LHFPL3: variants seen among roughly 807,000 people sequenced by gnomAD.
The protein encoded by LHFPL3 is LHFPL tetraspan subfamily member 3, also known as LHFPL tetraspan subfamily member 3 protein.
In LHFPL3, 5 loss-of-function variants were observed where a neutral mutation model predicts 19.3. That is an observed-to-expected ratio of 0.26 (90% CI 0.14 to 0.54). The LOEUF is 0.54. LHFPL3 is among the 20% of genes least tolerant of loss of function. The pLI is 0.94. For missense variants in LHFPL3, 249 were observed against 307.4 expected (o/e 0.81, Z 1.42); for synonymous variants, 133 against 126.2 (o/e 1.05, Z -0.36).
intron 1 of LHFPL3, among the ~76,000 whole-genome samples, chr7:104,474,739 C>T (rs1008835621): frequency 2.5e-4 from 37 of 149,114 alleles, no homozygotes; most frequent in African/African-American, 8.9e-4. Flanking sequence ...GACCCTGCAG[C>T]TTCAGAATAG....
intron 1 of LHFPL3, among the ~76,000 whole-genome samples, chr7:104,334,529 A>C (rs558158725): frequency 6.6e-6 from 1 of 152,372 alleles, no homozygotes; most frequent in East Asian, 1.9e-4. Flanking sequence ...ACTGGGCAGC[A>C]GAGTGAGACT....
intron 2 of LHFPL3, among the ~76,000 whole-genome samples, chr7:104,788,070 T>C (rs575777623): frequency 5.3e-5 from 8 of 152,324 alleles, no homozygotes; most frequent in African/African-American, 1.9e-4. Flanking sequence ...GGTTCTTTTA[T>C]AAACTATGTG....
chr7:104,711,091 A>G (rs1160560242), intron 1 of LHFPL3, among the ~76,000 whole-genome samples: 2 of 152,260 alleles, frequency 1.3e-5, no homozygotes, highest in African/African-American at 2.4e-5. Flanking sequence ...AACAGAATCC[A>G]TACATACTCT....
intron 2 of LHFPL3, among the ~76,000 whole-genome samples, chr7:104,806,776 A>C (rs1790368747): frequency 6.6e-6 from 1 of 152,230 alleles, no homozygotes; most frequent in Admixed American, 6.5e-5. Context: ...AAATGATCAA[A>C]GGGAACCCAA....
At chr7:104,743,830 C>G (rs111943075) in intron 2 of LHFPL3, among the ~76,000 whole-genome samples, 1 of 151,986 alleles carries the variant, frequency 6.6e-6, no homozygotes, top group Non-Finnish European at 1.5e-5. Context: ...ATCATGTAAT[C>G]AATTCTTTTT....
rs188549363 is a variant in LHFPL3, at chr7:104,800,914, G to A, written c.682+64003G>A. ...CCCAAAATAGACAGGACCTTGGCCCGGCTTCCCTTTATGAGGCTACCAGCC... is the reference window on the plus strand; with the variant it reads ...CCCAAAATAGACAGGACCTTGGCCCAGCTTCCCTTTATGAGGCTACCAGCC... On this transcript the variant is annotated intron_variant, in intron 2 of 2. Coordinates refer to ENST00000424859, the MANE Select transcript of LHFPL3 (RefSeq NM_199000.3). Among the ~76,000 whole-genome samples, 220 of 152,270 alleles carry A rather than the reference G, an allele frequency of 1.4e-3. 2 individuals are homozygous for A. The highest frequency in any genetic ancestry group is 5.0e-3 in the African/African-American group (207 of 41,538).
At chr7:104,404,267 A>G (rs974014352) in intron 1 of LHFPL3, among the ~76,000 whole-genome samples, 20 of 152,214 alleles carry the variant, frequency 1.3e-4, no homozygotes, top group African/African-American at 3.1e-4. Flanking sequence ...CCTACTTCCT[A>G]TAACAGATAT....
At chr7:104,643,944 G>A (rs10226472) in intron 1 of LHFPL3, among the ~76,000 whole-genome samples, 2 of 152,170 alleles carry the variant, frequency 1.3e-5, no homozygotes, top group African/African-American at 4.8e-5. Context: ...AAATCTATTG[G>A]TGAGCTTCGA....
rs546815134 is a variant in LHFPL3 at position 104,897,235 on chromosome 7, G to A, written c.683-8952G>A. Reference sequence around the variant, plus strand: ...TAACCAGTGTCAGCCAGCTGGTGATGTATTGCACAGCTACTAAATGCCTTA... The same window carrying A: ...TAACCAGTGTCAGCCAGCTGGTGATATATTGCACAGCTACTAAATGCCTTA... On this transcript the variant is annotated intron_variant, in intron 2 of 2. Transcript: ENST00000424859. Among the ~76,000 whole-genome samples the A allele has an allele frequency of 5.3e-5, 8 of 152,314 alleles. No homozygotes were observed. The South Asian group carries it at 1.7e-3, about 32-fold the overall frequency.
intron 1 of LHFPL3, among the ~76,000 whole-genome samples, chr7:104,437,431 T>C (rs1456035767): frequency 6.6e-6 from 1 of 152,126 alleles, no homozygotes; most frequent in South Asian, 2.1e-4. Flanking sequence ...CAACGGGGTG[T>C]CCTACAATTC....
chr7:104,564,043 A>C (rs1397450550), intron 1 of LHFPL3, among the ~76,000 whole-genome samples: 1 of 152,204 alleles, frequency 6.6e-6, no homozygotes, highest in African/African-American at 2.4e-5. Context: ...AACACTACAC[A>C]TACAATATCT....
chr7:104,796,601 G>A (rs963897987), intron 2 of LHFPL3: 3 of 152,306 alleles, frequency 2.0e-5, no homozygotes, highest in Non-Finnish European at 4.4e-5. Flanking sequence ...TGGAGTCAAG[G>A]GCTACCAATC....
intron 1 of LHFPL3, among the ~76,000 whole-genome samples, chr7:104,617,728 T>C (rs1265943436): frequency 6.6e-6 from 1 of 152,234 alleles, no homozygotes; most frequent in Non-Finnish European, 1.5e-5. Context: ...ACTCTGTAGC[T>C]TGAATATGAG....
intron 1 of LHFPL3, among the ~76,000 whole-genome samples, chr7:104,660,356 A>C (rs944223920): frequency 6.6e-6 from 1 of 152,206 alleles, no homozygotes; most frequent in Admixed American, 6.5e-5. Flanking sequence ...TTGTCAGCAC[A>C]ACCATCCAGG....
intron 1 of LHFPL3, among the ~76,000 whole-genome samples, chr7:104,526,899 A>AG (rs1794197666): frequency 6.6e-6 from 1 of 152,244 alleles, no homozygotes; most frequent in African/African-American, 2.4e-5. Flanking sequence ...CATACACTCT[A>AG]GTGGGGAGAC....
chr7:104,798,462 G>C (rs1790175300), intron 2 of LHFPL3: 1 of 152,106 alleles, frequency 6.6e-6, no homozygotes, highest in Non-Finnish European at 1.5e-5. Flanking sequence ...ATATATTTTA[G>C]TTTTTGAAAT....
chr7:104,755,666 G>A (rs1459146131), intron 2 of LHFPL3, among the ~76,000 whole-genome samples: 1 of 151,704 alleles, frequency 6.6e-6, no homozygotes, highest in South Asian at 2.1e-4. Flanking sequence ...TTAGTTTTTT[G>A]GTGTTTGTTT....
At chr7:104,353,006 G>A (rs7788386) in intron 1 of LHFPL3, among the ~76,000 whole-genome samples, 74,863 of 152,016 alleles carry the variant, frequency 0.49, 19,565 homozygotes, top group East Asian at 0.88. Flanking sequence ...AGGGCTACCC[G>A]GAAAGGCGAT....
chr7:104,506,164 G>A (rs1389031049), intron 1 of LHFPL3, among the ~76,000 whole-genome samples: 1 of 152,080 alleles, frequency 6.6e-6, no homozygotes, highest in African/African-American at 2.4e-5. Context: ...CTATAGGCAT[G>A]TGCCAACACA....
Sources: gnomAD v4.1 joint callset for allele counts (sites outside exome capture counted in the v4.1 genomes callset) on GRCh38, gnomAD v4.1.1 for gene constraint, MANE v1.5 for transcripts, NCBI Gene and HGNC (gene_info 2026-07-23, HGNC 2026-07-21) for gene names.